CALN1: variants seen among roughly 807,000 people sequenced by gnomAD.
CALN1 encodes calcium-binding protein 8.
In CALN1, 17 loss-of-function variants were observed where a neutral mutation model predicts 30.6. The observed-to-expected ratio is 0.56, with a 90% CI of 0.38 to 0.83. The LOEUF (loss-of-function observed/expected upper bound fraction) is 0.83. CALN1 is among the 40% of genes least tolerant of loss of function. CALN1 has a pLI of 0.00. For missense variants in CALN1, 291 were observed against 354.9 expected (o/e 0.82, Z 1.45); for synonymous variants, 156 against 131.4 (o/e 1.19, Z -1.28).
intron 2 of CALN1, among the ~76,000 whole-genome samples, chr7:72,323,938 G>T (rs1042200106): frequency 6.6e-6 from 1 of 152,044 alleles, no homozygotes; most frequent in Non-Finnish European, 1.5e-5. Flanking sequence ...CAGCTACTCG[G>T]GAGGCTGAGG....
intron 2 of CALN1, among the ~76,000 whole-genome samples, chr7:72,323,470 G>C (rs1175972617): frequency 6.6e-6 from 1 of 151,950 alleles, no homozygotes; most frequent in Admixed American, 6.6e-5. Context: ...GACCAGCCTG[G>C]CCAACATAGT....
chr7:71,997,212 T>G (rs796367416), intron 5 of CALN1, among the ~76,000 whole-genome samples: 12 of 151,184 alleles, frequency 7.9e-5, no homozygotes, highest in African/African-American at 2.9e-4. Context: ...CAGCCTGGGC[T>G]ACAGAGCAAG....
chr7:72,350,945 A>C (rs771946090), intron 2 of CALN1, among the ~76,000 whole-genome samples: 13 of 152,152 alleles, frequency 8.5e-5, no homozygotes, highest in Non-Finnish European at 1.6e-4. Flanking sequence ...GTTCAAGACC[A>C]GCCTGACCAA....
intron 3 of CALN1, among the ~76,000 whole-genome samples, chr7:72,167,037 G>GA (rs1011729569): frequency 1.2e-4 from 17 of 147,592 alleles, no homozygotes; most frequent in African/African-American, 2.7e-4. Context: ...CTGTCTCAAG[G>GA]AAAAAAAAAG....
intron 2 of CALN1, among the ~76,000 whole-genome samples, chr7:72,288,849 T>C (rs1038715023): frequency 6.6e-6 from 1 of 152,336 alleles, no homozygotes; most frequent in Admixed American, 6.5e-5. Context: ...CCCCAAAAAT[T>C]AGTCAGAATT....
At position 72,403,384 on chromosome 7, in the gene CALN1, G is replaced by C. The variant is rs780145313; in HGVS notation, c.-15C>G. 3.3e-6 allele frequency: 5 copies of C among 1,534,354 alleles called. No individual in the cohort carries two copies. Among genetic ancestry groups the C allele is most frequent in the Non-Finnish European group, 4.4e-6 (5 of 1,138,746 alleles). On this transcript the variant is annotated 5_prime_UTR_variant, in exon 2 of 7. In the 5' UTR this introduces an upstream ATG that the reference lacks. Coordinates refer to ENST00000395275, the MANE Select transcript of CALN1 (RefSeq NM_031468.4). ...GGCAGCCGCATCGGGGGTCCAGGGC[G>C]ATGTTCTCAGAGAGAGTTAGAAGCT... is the stretch of plus-strand genomic sequence containing the variant.
chr7:72,195,523 G>C (rs1386661661), intron 3 of CALN1, among the ~76,000 whole-genome samples: 1 of 152,052 alleles, frequency 6.6e-6, no homozygotes, highest in Admixed American at 6.6e-5. Flanking sequence ...CTATAGGCAG[G>C]TACTAACATT....
intron 4 of CALN1, among the ~76,000 whole-genome samples, chr7:72,028,174 A>G (rs929963131): frequency 2.0e-5 from 3 of 151,754 alleles, no homozygotes; most frequent in African/African-American, 7.3e-5. Context: ...GGAACCTCAT[A>G]GTTTACGAGA....
At position 71,942,730 on chromosome 7, in the gene CALN1, G is replaced by A. The variant is rs529850196; in HGVS notation, c.501+80927C>T. Among the ~76,000 whole-genome samples the A allele has an allele frequency of 6.3e-4, 96 of 152,200 alleles. 1 individual carries two copies. Among genetic ancestry groups the A allele is most frequent in the Non-Finnish European group, 8.8e-4 (60 of 68,024 alleles). On this transcript the variant is annotated intron_variant, in intron 5 of 6. Transcript: ENST00000395275. ...AAAAGCATAATGTAGAATGAAGAAG[G>A]TATGATATAGAAGGGTATCTGTAGT...
At chr7:72,293,057 G>T (rs1798604403) in intron 2 of CALN1, among the ~76,000 whole-genome samples, 2 of 151,944 alleles carry the variant, frequency 1.3e-5, no homozygotes, top group Admixed American at 1.3e-4. Context: ...TGGGCTCTGA[G>T]TTTCCCCTTC....
At chr7:71,904,209 A>G (rs566121494) in intron 5 of CALN1, among the ~76,000 whole-genome samples, 4 of 152,372 alleles carry the variant, frequency 2.6e-5, no homozygotes, top group African/African-American at 9.6e-5. Flanking sequence ...GTACATGTCC[A>G]GAGGAAATGA....
At chr7:72,470,397 C>A in the CALN1 span, among the ~76,000 whole-genome samples, 3 of 152,082 alleles carry the variant, frequency 2.0e-5, no homozygotes, top group African/African-American at 7.2e-5. Flanking sequence ...AATTTAAAGC[C>A]TGGATGTACC....
chr7:72,108,664 G>A (rs1017400940), intron 3 of CALN1, among the ~76,000 whole-genome samples: 4 of 152,074 alleles, frequency 2.6e-5, no homozygotes, highest in South Asian at 2.1e-4. Context: ...CCCTACAATC[G>A]TCTATACATT....
At chr7:72,130,638 G>C (rs1183762798) in intron 3 of CALN1, among the ~76,000 whole-genome samples, 2 of 152,172 alleles carry the variant, frequency 1.3e-5, no homozygotes, top group African/African-American at 4.8e-5. Context: ...TGCCTCTGCA[G>C]AGGGAAACCA....
At chr7:72,266,460 T>C (rs1796603689) in intron 3 of CALN1, among the ~76,000 whole-genome samples, 1 of 152,190 alleles carries the variant, frequency 6.6e-6, no homozygotes, top group South Asian at 2.1e-4. Context: ...GTGTTTAACT[T>C]TTTGCCTCAA....
intron 2 of CALN1, among the ~76,000 whole-genome samples, chr7:72,344,568 T>A (rs1223285960): frequency 1.4e-5 from 2 of 147,290 alleles, no homozygotes; most frequent in African/African-American, 2.5e-5. Context: ...ATATATATAT[T>A]TATTTATATA....
intron 3 of CALN1, among the ~76,000 whole-genome samples, chr7:72,209,045 C>G (rs1361232459): frequency 1.7e-5 from 1 of 60,088 alleles, no homozygotes; most frequent in South Asian, 5.8e-4. Context: ...TCTCTCTCTC[C>G]TTTTTCTCCT....
chr7:72,405,112 G>A (rs1806610767), intron 1 of CALN1, among the ~76,000 whole-genome samples: 1 of 152,166 alleles, frequency 6.6e-6, no homozygotes, highest in Non-Finnish European at 1.5e-5. Context: ...CCACAGGAAT[G>A]ATGAGATACG....
chr7:72,415,195 T>C (rs1585703956), upstream of CALN1, among the ~76,000 whole-genome samples: 1 of 152,246 alleles, frequency 6.6e-6, no homozygotes, highest in East Asian at 1.9e-4. Flanking sequence ...TATGGTATTT[T>C]GTTATGGCAG....
Sources: allele counts gnomAD v4.1 joint callset (sites outside exome capture counted in the v4.1 genomes callset), GRCh38; gene constraint gnomAD v4.1.1; transcripts MANE v1.5; gene names NCBI Gene and HGNC (gene_info 2026-07-23, HGNC 2026-07-21).